DIDO1: variants seen among roughly 807,000 people sequenced by gnomAD.
DIDO1 encodes death inducer-obliterator 1.
DIDO1 carries 16 observed loss-of-function variants against 99.4 expected under a neutral mutation model. That is an observed-to-expected ratio of 0.16 (90% confidence interval 0.11 to 0.24). The LOEUF (loss-of-function observed/expected upper bound fraction) is 0.24. Ranked by LOEUF, DIDO1 falls within the 10% of genes least tolerant of loss-of-function variation. The pLI is 1.00. For missense variants in DIDO1, 2,996 were observed against 3,014.0 expected (o/e 0.99, Z 0.14); for synonymous variants, 1,366 against 1,239.1 (o/e 1.10, Z -2.15).
Position 62,880,416 on chromosome 20 carries a change from T to G in DIDO1, c.5540A>C (p.Asp1847Ala). The part of the protein sequence containing the change: ...VAPSQFEERK[D>A]PHGEKREFQD... ...GAACTCCCTCTTCTCCCCATGGGGATCCTTGCGTTCTTCAAATTGGGATGG... is the reference window on the plus strand; with the variant it reads ...GAACTCCCTCTTCTCCCCATGGGGAGCCTTGCGTTCTTCAAATTGGGATGG... Residue 1847 changes from aspartate to alanine, a missense_variant, in exon 16 of 16, where the codon GAT (aspartate) becomes GCT (alanine). By Grantham distance (126) the Asp-to-Ala change is moderately radical (BLOSUM62 -2). Around this residue, in one of 5 missense-constraint regions of DIDO1, gnomAD observed 1,562 missense variants for 1,412.6 expected, o/e 1.11. Coordinates refer to ENST00000395343, the MANE Select transcript of DIDO1 (RefSeq NM_001193369.2). 1 of 1,612,820 alleles carries G rather than the reference T, an allele frequency of 6.2e-7. No individual in the cohort carries two copies. The highest frequency in any genetic ancestry group is 8.5e-7 in the Non-Finnish European group (1 of 1,180,006).
chr20:62,920,168 T>A (rs113689073), intron 1 of DIDO1, among the ~76,000 whole-genome samples: 2,875 of 152,258 alleles, frequency 0.019, 83 homozygotes, highest in African/African-American at 0.064. Flanking sequence ...ATGCCGCAAG[T>A]GTGGCAGTGT....
Position 62,894,637 on chromosome 20 carries a change from G to T in DIDO1, c.2437-89C>A. On this transcript the variant is annotated intron_variant, in intron 10 of 15. Transcript: ENST00000395343. This position sits in a 1 kb window ranked among gnomAD's most constrained non-coding sequence, Gnocchi z 4.4. ...ACACACAAGAAAAGCAGTCTCATGG[G>T]ATTGAGACCCACGGGGGAGAAAAAA... is the stretch of plus-strand genomic sequence containing the variant. 1 of 1,524,518 alleles carries T rather than the reference G, an allele frequency of 6.6e-7. No individual in the cohort carries two copies. 94.4% of individuals were successfully genotyped at this position (1,524,518 alleles called of 1,614,324 possible).
intron 4 of DIDO1, 32 bp downstream of exon 4, chr20:62,909,667 C>A: frequency 6.2e-7 from 1 of 1,606,064 alleles, no homozygotes; most frequent in Non-Finnish European, 8.5e-7. Flanking sequence ...AGGCCGACTG[C>A]TGAATGCTCG....
intron 2 of DIDO1, 133 bp downstream of exon 2, chr20:62,914,077 G>C (rs1368102646): frequency 6.6e-6 from 1 of 152,188 alleles, no homozygotes; most frequent in African/African-American, 2.4e-5. Flanking sequence ...TGATACAAAT[G>C]GCTGAATGTA....
chr20:62,923,007 TGGGGGTG>T (rs2065185187), intron 1 of DIDO1, among the ~76,000 whole-genome samples: 2 of 151,588 alleles, frequency 1.3e-5, no homozygotes, highest in Non-Finnish European at 2.9e-5. Flanking sequence ...TTCTTTTTGT[TGGGGGTG>T]GGGGGTGGAC....
intron 2 of DIDO1, among the ~76,000 whole-genome samples, chr20:62,913,739 C>A (rs1352092390): frequency 1.3e-5 from 2 of 152,230 alleles, no homozygotes; most frequent in Non-Finnish European, 2.9e-5. Flanking sequence ...GCAGTCGCCT[C>A]TGCCTCTGGG....
chr20:62,918,552 A>C (rs539156035), intron 1 of DIDO1, among the ~76,000 whole-genome samples: 2 of 152,290 alleles, frequency 1.3e-5, no homozygotes, highest in Admixed American at 6.5e-5. Flanking sequence ...ATAACATCGC[A>C]CCTCCAGGAA....
chr20:62,889,135 G>A (rs2064348570), intron 15 of DIDO1: 2 of 985,524 alleles, frequency 2.0e-6, no homozygotes, highest in Non-Finnish European at 2.4e-6. Context: ...TGGTGCCATC[G>A]CACTCAGCAG....
In DIDO1 at chr20:62,909,962, A is replaced by T. The variant is rs1486433759; in HGVS notation, c.898T>A (p.Ser300Thr). The T allele has an allele frequency of 1.9e-6, 3 of 1,613,386 alleles. No individual in the cohort carries two copies. The South Asian group carries it at 3.3e-5, about 18-fold the overall frequency. Reference sequence around the variant, plus strand: ...TCCAAAAGCCTCCCTCGAGCCTCAGAAATGCCCACACAATCGCCATGAAAC... The same window carrying T: ...TCCAAAAGCCTCCCTCGAGCCTCAGTAATGCCCACACAATCGCCATGAAAC... ...EWFHGDCVGI[S>T]EARGRLLERN... The change falls in exon 4 of 16, where the codon TCT (serine) becomes ACT (threonine). Residue 300 changes from serine (S) to threonine (T), a missense_variant. By Grantham distance (58) the Ser-to-Thr change is moderately conservative. Around this residue, in one of 5 missense-constraint regions of DIDO1, gnomAD observed 13 missense variants for 49.9 expected, o/e 0.26. Transcript: ENST00000395343.
Position 62,879,344 on chromosome 20 carries a change from G to C in DIDO1, c.6612C>G (p.Asp2204Glu), listed in dbSNP as rs757647047. The change falls in exon 16 of 16, where the codon GAC becomes GAG. Residue 2204 changes from aspartate to glutamate, a missense_variant. Asp to Glu is a conservative substitution (Grantham distance 45). Around this residue, in one of 5 missense-constraint regions of DIDO1, gnomAD observed 1,562 missense variants for 1,412.6 expected, o/e 1.11. Coordinates refer to ENST00000395343, the MANE Select transcript of DIDO1 (RefSeq NM_001193369.2). This position sits in a 1 kb window ranked among gnomAD's most constrained non-coding sequence, Gnocchi z 6.3. ...SRERDRDKAR[D>E]RERGRDRKDR... Reference sequence around the variant, plus strand: ...CCTTGCGGTCGCGGCCCCGCTCCCTGTCCCTGGCCTTGTCTCGGTCCCGCT... The same window carrying C: ...CCTTGCGGTCGCGGCCCCGCTCCCTCTCCCTGGCCTTGTCTCGGTCCCGCT... The C allele has an allele frequency of 1.2e-5, 19 of 1,553,694 alleles. No individual in the cohort carries two copies. Among genetic ancestry groups the C allele is most frequent in the Non-Finnish European group, 1.7e-5 (19 of 1,151,102 alleles).
At chr20:62,899,540 T>G (rs2064615493) in intron 6 of DIDO1, among the ~76,000 whole-genome samples, 1 of 152,222 alleles carries the variant, frequency 6.6e-6, no homozygotes, top group African/African-American at 2.4e-5. Flanking sequence ...GAGATGAGTT[T>G]TAGGGCACTC....
intron 2 of DIDO1, among the ~76,000 whole-genome samples, chr20:62,912,604 G>C: frequency 6.6e-6 from 1 of 152,074 alleles, no homozygotes; most frequent in East Asian, 1.9e-4. Context: ...ATCTGAAAAA[G>C]ACAGTAGATA....
Position 62,881,972 on chromosome 20 carries a change from G to C in DIDO1, c.3984C>G (p.Phe1328Leu). 1 of 1,613,378 alleles carries C rather than the reference G, an allele frequency of 6.2e-7. No individual in the cohort carries two copies. ...LQTLFGKKKS[F>L]DPSAREPPGS... ...CGGGAGGCTCTCTGGCGGACGGGTCGAATGATTTCTTCTTTCCAAAGAGAG... is the reference window on the plus strand; with the variant it reads ...CGGGAGGCTCTCTGGCGGACGGGTCCAATGATTTCTTCTTTCCAAAGAGAG... The change falls in exon 16 of 16, where the codon TTC (phenylalanine) becomes TTG (leucine). Residue 1328 changes from phenylalanine to leucine, a missense_variant. Around this residue, in one of 5 missense-constraint regions of DIDO1, gnomAD observed 1,562 missense variants for 1,412.6 expected, o/e 1.11. Coordinates refer to ENST00000395343, the MANE Select transcript of DIDO1 (RefSeq NM_001193369.2). The surrounding 1 kb of genome is among the most constrained non-coding windows in gnomAD (Gnocchi z 8.3).
Position 62,909,795 on chromosome 20 carries a change from T to C in DIDO1, c.1065A>G (p.Thr355=). ...GGTCTTCGCTAGACTTCTGCTCTAT[T>C]GTTCCTATACTTGTACAATCGGTGC... ...ADGTDCTSIG[T]IEQKSSEDQG... The change falls in exon 4 of 16, where the codon ACA becomes ACG. Residue 355 remains threonine, a synonymous_variant. Transcript: ENST00000395343. 1 of 1,614,278 alleles carries C rather than the reference T, an allele frequency of 6.2e-7. No individual in the cohort carries two copies. Among genetic ancestry groups the C allele is most frequent in the Non-Finnish European group, 8.5e-7 (1 of 1,180,054 alleles).
At chr20:62,897,807 C>G (rs1019994746) in intron 6 of DIDO1, among the ~76,000 whole-genome samples, 1 of 152,210 alleles carries the variant, frequency 6.6e-6, no homozygotes, top group Non-Finnish European at 1.5e-5. Context: ...GAGCAGGGGA[C>G]AGACGGCGTG....
intron 1 of DIDO1, among the ~76,000 whole-genome samples, chr20:62,923,071 G>A (rs558207848): frequency 2.7e-3 from 412 of 152,324 alleles, no homozygotes; most frequent in African/African-American, 9.2e-3. Context: ...GCAGAACCAC[G>A]GCTCACTACA....
intron 1 of DIDO1, among the ~76,000 whole-genome samples, chr20:62,933,281 C>T (rs1304759756): frequency 6.6e-6 from 1 of 152,194 alleles, no homozygotes; most frequent in African/African-American, 2.4e-5. Context: ...TACCTCTTTC[C>T]AACATCTCTA....
Position 62,911,640 on chromosome 20 carries a change from T to C in DIDO1, c.-2-26A>G, listed in dbSNP as rs778564473. 2.0e-6 allele frequency: 3 copies of C among 1,508,814 alleles called. No individual in the cohort carries two copies. In the Admixed American group the frequency reaches 6.8e-5, roughly 34 times the overall value. 93.5% of individuals were successfully genotyped at this position (1,508,814 alleles called of 1,614,324 possible). A position where few individuals can be genotyped will look rare whatever the true frequency, so the allele number is the denominator to read the frequency against. On this transcript the variant is annotated intron_variant, in intron 2 of 15. Coordinates refer to ENST00000395343, the MANE Select transcript of DIDO1 (RefSeq NM_001193369.2). This position sits in a 1 kb window ranked among gnomAD's most constrained non-coding sequence, Gnocchi z 7.0. The stretch of plus-strand genomic sequence containing the variant: ...CTAGCGGTAAAGTGTAAGCACATAG[T>C]GACCAACTGACCACAGAACAAAAGG...
At position 62,881,347 on chromosome 20, in the gene DIDO1, G is replaced by T; in HGVS notation, c.4609C>A (p.Gln1537Lys). ...GGCTTGTCTGCAGACTGCTGCTCTTGCTGGAACAGCTCTGCCTTGGGCAAG... is the reference window on the plus strand; with the variant it reads ...GGCTTGTCTGCAGACTGCTGCTCTTTCTGGAACAGCTCTGCCTTGGGCAAG... Reference protein sequence around the residue: ...SSLPKAELFQQEQQSADKPAS... With the variant: ...SSLPKAELFQKEQQSADKPAS... Residue 1537 changes from glutamine (Q) to lysine (K), a missense_variant, in exon 16 of 16, where the codon CAA becomes AAA. By Grantham distance (53) the Gln-to-Lys change is moderately conservative (BLOSUM62 1). Around this residue, in one of 5 missense-constraint regions of DIDO1, gnomAD observed 1,562 missense variants for 1,412.6 expected, o/e 1.11. Coordinates refer to ENST00000395343, the MANE Select transcript of DIDO1 (RefSeq NM_001193369.2). The surrounding 1 kb of genome is among the most constrained non-coding windows in gnomAD (Gnocchi z 8.3). 1 of 1,605,448 alleles carries T rather than the reference G, an allele frequency of 6.2e-7. No individual in the cohort carries two copies.
Sources: allele counts gnomAD v4.1 joint callset (sites outside exome capture counted in the v4.1 genomes callset), GRCh38; gene constraint gnomAD v4.1.1; regional missense constraint gnomAD v4.1.1; non-coding constraint Gnocchi (gnomAD v3.1); transcripts MANE v1.5; gene names NCBI Gene and HGNC (gene_info 2026-07-23, HGNC 2026-07-21).